CACNB2: variants seen among roughly 807,000 people sequenced by gnomAD.
The protein encoded by CACNB2 is voltage-dependent L-type calcium channel subunit beta-2.
Under a neutral mutation model 73.3 loss-of-function variants are expected in CACNB2, and 42 were observed. The observed-to-expected ratio is 0.57, with a 90% confidence interval of 0.45 to 0.74. CACNB2 has a LOEUF of 0.74. Among genes scored for constraint, CACNB2 ranks in the 30% least tolerant of loss-of-function variants. The pLI is 0.00. For synonymous variants in CACNB2, 348 were observed against 310.3 expected (o/e 1.12, Z -1.28); for missense variants, 940 against 853.0 (o/e 1.10, Z -1.27).
chr10:18,407,235 C>G (rs1255042499), intron 3 of CACNB2, among the ~76,000 whole-genome samples: 1 of 149,020 alleles, frequency 6.7e-6, no homozygotes, highest in African/African-American at 2.5e-5. Context: ...GATTCTCACA[C>G]CTCAGCCTTC....
At chr10:18,316,468 C>CTTT (rs79771428) in intron 2 of CACNB2, among the ~76,000 whole-genome samples, 2 of 143,194 alleles carry the variant, frequency 1.4e-5, no homozygotes, top group South Asian at 4.4e-4. Flanking sequence ...TCCCCCCTCT[C>CTTT]TTTTTTTTTT....
intron 3 of CACNB2, among the ~76,000 whole-genome samples, chr10:18,476,286 G>A (rs1182258987): frequency 6.6e-6 from 1 of 152,252 alleles, no homozygotes; most frequent in Non-Finnish European, 1.5e-5. Flanking sequence ...GGGTGTCCAC[G>A]TTCTTGGCGT....
At chr10:18,538,988 T>G (rs2053881085) in intron 13 of CACNB2, among the ~76,000 whole-genome samples, 1 of 151,858 alleles carries the variant, frequency 6.6e-6, no homozygotes, top group Admixed American at 6.6e-5. Context: ...CTGCTTTTTT[T>G]TTTTTAAAGG....
In CACNB2 at chr10:18,262,973, C is replaced by T. The variant is rs920764565; in HGVS notation, c.213+111998C>T. ...ATCTGCTCATTCTCAAATATTTTTA[C>T]CCTGTATTTTGAATAAAGTACCACA... On this transcript the variant is annotated intron_variant, in intron 2 of 13. Coordinates refer to ENST00000324631, the MANE Select transcript of CACNB2 (RefSeq NM_201596.3). 2.6e-5 allele frequency among the ~76,000 whole-genome samples: 4 copies of T among 152,118 alleles called. No individual in the cohort carries two copies. The East Asian group carries it at 5.8e-4, about 22-fold the overall frequency.
chr10:18,453,310 G>A (rs1241535337), intron 3 of CACNB2, among the ~76,000 whole-genome samples: 3 of 152,182 alleles, frequency 2.0e-5, no homozygotes, highest in African/African-American at 7.2e-5. Flanking sequence ...TCCTTCTCAT[G>A]GTTTAAAAGG....
Position 18,494,472 on chromosome 10 carries a change from AC to A in CACNB2, c.334-3882del, listed in dbSNP as rs558714759. Among the ~76,000 whole-genome samples the A allele has an allele frequency of 5.9e-5, 9 of 151,946 alleles. No homozygotes were observed. In the South Asian group the frequency reaches 1.9e-3, roughly 32 times the overall value. On this transcript the variant is annotated intron_variant, in intron 3 of 13. Transcript: ENST00000324631. ...GTGAAACCCCATCTCTACTAAAAAT[AC>A]AAAAAAAAATTAGCCGGGCATGGTG...
intron 3 of CACNB2, among the ~76,000 whole-genome samples, chr10:18,433,111 A>G (rs1021456836): frequency 1.0e-5 from 1 of 99,982 alleles, no homozygotes; most frequent in African/African-American, 4.4e-5. Context: ...AAATATATGT[A>G]TATGCGTGTA....
rs183315243 is a variant in CACNB2 at position 18,302,459 on chromosome 10, A to G, written c.214-99465A>G. Among the ~76,000 whole-genome samples, 7 of 152,366 alleles carry G rather than the reference A, an allele frequency of 4.6e-5. No individual in the cohort carries two copies. In the East Asian group the frequency reaches 1.2e-3, roughly 25 times the overall value. ...GTGGAACCAACCCAAATGCCCATCAATAAACGAGTGGATAGAGAAACTGTG... is the reference window on the plus strand; with the variant it reads ...GTGGAACCAACCCAAATGCCCATCAGTAAACGAGTGGATAGAGAAACTGTG... On this transcript the variant is annotated intron_variant, in intron 2 of 13. Coordinates refer to ENST00000324631, the MANE Select transcript of CACNB2 (RefSeq NM_201596.3).
At chr10:18,360,984 A>T (rs1227675566) in intron 2 of CACNB2, among the ~76,000 whole-genome samples, 1 of 151,864 alleles carries the variant, frequency 6.6e-6, no homozygotes, top group Non-Finnish European at 1.5e-5. Flanking sequence ...TTTTCTGTTC[A>T]TTGTTCATCC....
chr10:18,322,270 C>T (rs1045365594), intron 2 of CACNB2, among the ~76,000 whole-genome samples: 1 of 151,978 alleles, frequency 6.6e-6, no homozygotes, highest in African/African-American at 2.4e-5. Context: ...GAGAATACAG[C>T]TAATGACAAG....
rs2053799071 is a variant in CACNB2, at chr10:18,538,238, C to T, written c.1361C>T (p.Ala454Val). The change falls in exon 13 of 14, where the codon GCC becomes GTC. Residue 454 changes from alanine to valine, a missense_variant. By Grantham distance (64) the Ala-to-Val change is moderately conservative. Transcript: ENST00000324631. ...CTTGAGGATGCCTGTGAGCACCTTG[C>T]CGACTATCTGGAGGCCTACTGGAAG... ...NQLEDACEHL[A>V]DYLEAYWKAT... is the part of the protein sequence containing the mutation. The T allele has an allele frequency of 5.0e-6, 8 of 1,613,998 alleles. No individual in the cohort carries two copies. In the South Asian group the frequency reaches 7.7e-5, roughly 16 times the overall value.
intron 2 of CACNB2, among the ~76,000 whole-genome samples, chr10:18,227,877 T>A (rs2036059330): frequency 6.6e-6 from 1 of 152,186 alleles, no homozygotes; most frequent in African/African-American, 2.4e-5. Flanking sequence ...GAAGTCAACA[T>A]GGTGAATTAA....
At chr10:18,188,939 A>G (rs1490886931) in intron 2 of CACNB2, among the ~76,000 whole-genome samples, 1 of 152,036 alleles carries the variant, frequency 6.6e-6, no homozygotes, top group Admixed American at 6.6e-5. Flanking sequence ...TAAGAACCGC[A>G]CTTGAGAGGA....
chr10:18,537,901 T>C (rs2053763660), intron 12 of CACNB2, among the ~76,000 whole-genome samples: 1 of 152,260 alleles, frequency 6.6e-6, no homozygotes. Flanking sequence ...GCCTTTTTCA[T>C]TGCTGATTGA....
chr10:18,267,856 C>T (rs919764206), intron 2 of CACNB2, among the ~76,000 whole-genome samples: 1 of 152,198 alleles, frequency 6.6e-6, no homozygotes, highest in Non-Finnish European at 1.5e-5. Context: ...GTGAATGACA[C>T]TTCCGGGGCA....
At chr10:18,515,118 C>A in intron 7 of CACNB2, 3 of 1,204,642 alleles carry the variant, frequency 2.5e-6, no homozygotes, top group Non-Finnish European at 3.7e-6. Flanking sequence ...TTTACCATCT[C>A]ACCCTTTGGA....
intron 2 of CACNB2, among the ~76,000 whole-genome samples, chr10:18,183,832 G>A (rs1463247575): frequency 6.6e-6 from 1 of 152,150 alleles, no homozygotes; most frequent in African/African-American, 2.4e-5. Flanking sequence ...ATGGTGTAGT[G>A]GTGCATAGTA....
rs777178427 is a variant in CACNB2, at chr10:18,539,323, T to G, written c.1582T>G (p.Ser528Ala). The G allele has an allele frequency of 6.2e-7, 1 of 1,613,696 alleles. No homozygotes were observed. The highest frequency in any genetic ancestry group is 8.5e-7 in the Non-Finnish European group (1 of 1,179,922). ...EEPSVEPVKK[S>A]QHRSSSSAPH... ...ACCTAGTGTGGAACCAGTCAAGAAA[T>G]CCCAGCACCGCTCTTCCTCCTCAGC... The change falls in exon 14 of 14, where the codon TCC becomes GCC. Residue 528 changes from serine to alanine, a missense_variant. By Grantham distance (99) the Ser-to-Ala change is moderately conservative. Coordinates refer to ENST00000324631, the MANE Select transcript of CACNB2 (RefSeq NM_201596.3).
intron 2 of CACNB2, among the ~76,000 whole-genome samples, chr10:18,215,351 C>T (rs2035471812): frequency 6.6e-6 from 1 of 152,044 alleles, no homozygotes; most frequent in Non-Finnish European, 1.5e-5. Context: ...ACGGTGAGAC[C>T]AGACATTTTG....
Sources: gnomAD v4.1 joint callset for allele counts (sites outside exome capture counted in the v4.1 genomes callset) on GRCh38, gnomAD v4.1.1 for gene constraint, MANE v1.5 for transcripts, NCBI Gene and HGNC (gene_info 2026-07-23, HGNC 2026-07-21) for gene names.